ACP1: variants seen among roughly 807,000 people sequenced by gnomAD.
ACP1 encodes acid phosphatase 1, also known as low molecular weight phosphotyrosine protein phosphatase.
In ACP1, 23 loss-of-function variants were observed where a neutral mutation model predicts 23.4. The observed-to-expected ratio is 0.98, with a 90% CI of 0.71 to 1.39. ACP1 has a LOEUF of 1.39. Ranked by LOEUF, ACP1 falls within the 40% of genes most tolerant of loss-of-function variation. The pLI, the probability that ACP1 is intolerant of heterozygous loss-of-function variation, is 0.00. For missense variants in ACP1, 180 were observed against 197.7 expected (o/e 0.91, Z 0.54); for synonymous variants, 72 against 67.2 (o/e 1.07, Z -0.35).
chr2:272,238 C>T (rs1423760695), intron 3 of ACP1, 88 bp downstream of exon 3: 2 of 1,613,918 alleles, frequency 1.2e-6, no homozygotes, highest in Admixed American at 1.7e-5. Flanking sequence ...GTGGGCCGGT[C>T]CCCAGACCCA....
chr2:271,980 C>A, intron 2 of ACP1, 41 bp downstream of exon 2: 1 of 1,601,148 alleles, frequency 6.2e-7, no homozygotes, highest in South Asian at 1.1e-5. Context: ...AACCTGAACT[C>A]CTCTGGGCAG....
Position 275,177 on chromosome 2 carries a change from T to C in ACP1, c.269T>C (p.Leu90Pro). The C allele has an allele frequency of 6.5e-7, 1 of 1,545,612 alleles. No individual in the cohort carries two copies. Among genetic ancestry groups the C allele is most frequent in the Non-Finnish European group, 8.9e-7 (1 of 1,129,448 alleles). The change falls in exon 4 of 6, where the codon CTA becomes CCA. Residue 90 changes from leucine to proline, a missense_variant. Leu to Pro is a moderately conservative substitution (Grantham distance 98, BLOSUM62 -3). Coordinates refer to ENST00000272065, the MANE Select transcript of ACP1 (RefSeq NM_004300.4). Reference protein sequence around the residue: ...KEDFATFDYILCMDESNLRDL... With the variant: ...KEDFATFDYIPCMDESNLRDL... ...GATTTTGCCACATTTGATTATATAC[T>C]ATGTATGGATGAAAGCAATCTGAGG...
chr2:266,284 G>T (rs1669879134), intron 1 of ACP1: 1 of 152,206 alleles, frequency 6.6e-6, no homozygotes, highest in South Asian at 2.1e-4. Flanking sequence ...AGACGAATTA[G>T]AAGGCTTACC....
rs1032221395 is a variant in ACP1, at chr2:264,957, G to T, written c.-8G>T. On this transcript the variant is annotated 5_prime_UTR_variant, in exon 1 of 6. Coordinates refer to ENST00000272065, the MANE Select transcript of ACP1 (RefSeq NM_004300.4). ...CCGCGGTGTCTCGGCGCCTCTGCGC[G>T]CGGGAAGATGGCGGAACAGGCTACC... The T allele has an allele frequency of 1.2e-6, 2 of 1,612,376 alleles. No homozygotes were observed. Among genetic ancestry groups the T allele is most frequent in the Admixed American group, 3.3e-5 (2 of 59,908 alleles).
At position 277,277 on chromosome 2, in the gene ACP1, C is replaced by T. The variant is rs372370647; in HGVS notation, c.450C>T (p.Cys150=). 1.2e-6 allele frequency: 2 copies of T among 1,613,064 alleles called. No individual in the cohort carries two copies. The highest frequency in any genetic ancestry group is 2.7e-5 in the African/African-American group (2 of 74,902). Residue 150 remains cysteine (C), a synonymous_variant, in exon 6 of 6, where the codon TGC becomes TGT. Coordinates refer to ENST00000272065, the MANE Select transcript of ACP1 (RefSeq NM_004300.4). The stretch of plus-strand genomic sequence containing the variant: ...TGTACCAGCAGTGTGTCAGGTGCTG[C>T]AGAGCGTTCTTGGAGAAGGCCCACT... ...ETVYQQCVRC[C]RAFLEKAH
At position 272,058 on chromosome 2, in the gene ACP1, A is replaced by T. The variant is rs1130613; in HGVS notation, c.139A>T (p.Thr47Ser). Residue 47 changes from threonine to serine, a missense_variant, in exon 3 of 6, where the codon ACT becomes TCT. By Grantham distance (58) the Thr-to-Ser change is moderately conservative. Coordinates refer to ENST00000272065, the MANE Select transcript of ACP1 (RefSeq NM_004300.4). ...SENWRVDSAA[T>S]SGYEIGNPPD... ...GCAGTGGAGGGTAGACAGCGCGGCA[A>T]CTTCCGGGTATGAGATAGGGAACCC... 6.2e-7 allele frequency: 1 copy of T among 1,613,906 alleles called. No homozygotes were observed. Among genetic ancestry groups the T allele is most frequent in the Admixed American group, 1.7e-5 (1 of 60,012 alleles).
At chr2:267,479 G>T (rs1669922187) in intron 1 of ACP1, among the ~76,000 whole-genome samples, 1 of 152,230 alleles carries the variant, frequency 6.6e-6, no homozygotes. Context: ...TTTGAGTAAA[G>T]ACTTGAAGGA....
rs193100282 is a variant in ACP1 at position 272,705 on chromosome 2, A to G, written c.231+555A>G. The G allele has an allele frequency of 3.6e-5, 9 of 248,396 alleles. No homozygotes were observed. The Admixed American group carries it at 3.9e-4, about 11-fold the overall frequency. The allele number at this position is 248,396 out of a possible 1,614,324, so 15.4% of individuals were successfully genotyped here. On this transcript the variant is annotated intron_variant, in intron 3 of 5. Coordinates refer to ENST00000272065, the MANE Select transcript of ACP1 (RefSeq NM_004300.4). ...CATTTTTTCAACTGTAAAGTGCCTT[A>G]GTAATATAGGGTAATACCAGCAACA... is the stretch of plus-strand genomic sequence containing the variant.
At chr2:271,484 GTATTT>G (rs2103073363) in intron 1 of ACP1, among the ~76,000 whole-genome samples, 1 of 152,190 alleles carries the variant, frequency 6.6e-6, no homozygotes, top group Admixed American at 6.5e-5. Flanking sequence ...ACAGACCACT[GTATTT>G]TATTTTTATT....
intron 4 of ACP1, among the ~76,000 whole-genome samples, chr2:276,206 G>T (rs1355119429): frequency 6.6e-6 from 1 of 152,090 alleles, no homozygotes; most frequent in Non-Finnish European, 1.5e-5. Context: ...GCTCCTATTT[G>T]CCCCTCGTGG....
At chr2:276,798 G>T (rs1572200130) in intron 4 of ACP1, among the ~76,000 whole-genome samples, 182 bp from the exon 5 acceptor site, 1 of 150,702 alleles carries the variant, frequency 6.6e-6, no homozygotes, top group Non-Finnish European at 1.5e-5. Flanking sequence ...CTTGCCTAGA[G>T]AGAGGGCAGT....
chr2:268,825 G>A (rs1436305360), intron 1 of ACP1, among the ~76,000 whole-genome samples: 2 of 152,188 alleles, frequency 1.3e-5, no homozygotes, highest in South Asian at 2.1e-4. Flanking sequence ...ACTGATGACC[G>A]GGGTGCTCCA....
intron 1 of ACP1, among the ~76,000 whole-genome samples, chr2:268,924 T>G (rs370551360): frequency 2.0e-5 from 3 of 152,312 alleles, no homozygotes; most frequent in East Asian, 3.9e-4. Flanking sequence ...TAATGCAAGT[T>G]TTCATATTGT....
intron 3 of ACP1, among the ~76,000 whole-genome samples, chr2:273,698 T>C (rs1334156541): frequency 6.6e-6 from 1 of 152,270 alleles, no homozygotes; most frequent in East Asian, 1.9e-4. Context: ...AAATCCTTTA[T>C]TGTGCATTTG....
intron 1 of ACP1, among the ~76,000 whole-genome samples, 156 bp from the exon 2 acceptor site, chr2:271,710 C>T (rs1258960854): frequency 6.6e-6 from 1 of 152,156 alleles, no homozygotes; most frequent in Non-Finnish European, 1.5e-5. Context: ...GGTCTACCCT[C>T]ACTGGTTGGA....
chr2:264,996 T>C lies in ACP1; in HGVS notation c.32T>C (p.Phe11Ser), dbSNP rs1669807001. 6.2e-7 allele frequency: 1 copy of C among 1,613,012 alleles called. No individual in the cohort carries two copies. Among genetic ancestry groups the C allele is most frequent in the Non-Finnish European group, 8.5e-7 (1 of 1,179,586 alleles). Residue 11 changes from phenylalanine (F) to serine (S), a missense_variant, in exon 1 of 6, where the codon TTT (phenylalanine) becomes TCT (serine). Phe to Ser is a radical substitution (Grantham distance 155, BLOSUM62 -2). Transcript: ENST00000272065. ...GAACAGGCTACCAAGTCCGTGCTGT[T>C]TGTGTGTCTGGGTAAGAGGGCGCCG... MAEQATKSVL[F>S]VCLGNICRSP...
At position 275,215 on chromosome 2, in the gene ACP1, T is replaced by G. The variant is rs753136557; in HGVS notation, c.293+14T>G. ...AAGCAATCTGAGGTAATCCTGTTTT[T>G]GAAGAATATTTCTGTTCAACTCTCA... On this transcript the variant is annotated intron_variant, in intron 4 of 5. Transcript: ENST00000272065. The G allele has an allele frequency of 6.8e-7, 1 of 1,469,140 alleles. No homozygotes were observed. The highest frequency in any genetic ancestry group is 9.4e-7 in the Non-Finnish European group (1 of 1,064,620). 91.0% of individuals were successfully genotyped at this position (1,469,140 alleles called of 1,614,324 possible).
In ACP1 at chr2:277,328, C is replaced by T. The variant is rs1387472263; in HGVS notation, c.*24C>T. 6.2e-7 allele frequency: 1 copy of T among 1,608,772 alleles called. No individual in the cohort carries two copies. The highest frequency in any genetic ancestry group is 8.5e-7 in the Non-Finnish European group (1 of 1,176,926). ...GAGGCAGGTTCGTGCCCTGCTGCGG[C>T]CAGCCTGACTAGACCCCACCCTGAG... On this transcript the variant is annotated 3_prime_UTR_variant, in exon 6 of 6. Transcript: ENST00000272065.
intron 1 of ACP1, 118 bp from the exon 2 acceptor site, chr2:271,748 T>G: frequency 2.4e-6 from 2 of 821,634 alleles, no homozygotes; most frequent in South Asian, 2.9e-5. Flanking sequence ...AGTGTTGGCC[T>G]TTGTTTTTCC....
Sources: allele counts gnomAD v4.1 joint callset (sites outside exome capture counted in the v4.1 genomes callset), GRCh38; gene constraint gnomAD v4.1.1; transcripts MANE v1.5; gene names NCBI Gene and HGNC (gene_info 2026-07-23, HGNC 2026-07-21).